Variants in RNLS observed in about 807,000 individuals in gnomAD.
RNLS encodes renalase.
A neutral mutation model predicts 39.8 loss-of-function variants in RNLS; 39 were observed. That is an observed-to-expected ratio of 0.98 (90% CI 0.76 to 1.28). The LOEUF (loss-of-function observed/expected upper bound fraction) is 1.28. Ranked by LOEUF, RNLS falls within the 50% of genes most tolerant of loss-of-function variation. The pLI is 0.00. For synonymous variants in RNLS, 147 were observed against 150.7 expected (o/e 0.98, Z 0.18); for missense variants, 410 against 413.3 (o/e 0.99, Z 0.07).
chr10:88,335,390 T>G (rs1288231875), intron 5 of RNLS, among the ~76,000 whole-genome samples: 1 of 152,066 alleles, frequency 6.6e-6, no homozygotes, highest in Non-Finnish European at 1.5e-5. Flanking sequence ...GGCTAATTAT[T>G]TTATTTTTTA....
At chr10:88,435,335 A>G (rs1855407756) in intron 4 of RNLS, among the ~76,000 whole-genome samples, 1 of 152,144 alleles carries the variant, frequency 6.6e-6, no homozygotes. Context: ...CTTTTATTTT[A>G]GAGCACCAAT....
At chr10:88,454,370 C>T (rs1238160716) in intron 4 of RNLS, among the ~76,000 whole-genome samples, 1 of 152,112 alleles carries the variant, frequency 6.6e-6, no homozygotes, top group Non-Finnish European at 1.5e-5. Flanking sequence ...TCCACCTTTT[C>T]CCTTAGGTAG....
chr10:88,394,599 C>T (rs1852429546), intron 4 of RNLS, among the ~76,000 whole-genome samples: 1 of 152,144 alleles, frequency 6.6e-6, no homozygotes, highest in South Asian at 2.1e-4. Flanking sequence ...GTTGGTGGGA[C>T]TGTAAACTAG....
intron 4 of RNLS, among the ~76,000 whole-genome samples, chr10:88,524,847 C>T (rs928655707): frequency 6.6e-6 from 1 of 150,378 alleles, no homozygotes; most frequent in African/African-American, 2.4e-5. Flanking sequence ...AACTCCTTGC[C>T]TTAATCCAAA....
intron 4 of RNLS, among the ~76,000 whole-genome samples, chr10:88,514,807 C>A (rs1293331765): frequency 6.6e-6 from 1 of 152,000 alleles, no homozygotes; most frequent in Non-Finnish European, 1.5e-5. Context: ...TCTTCCATAT[C>A]TTGGCTATTG....
At chr10:88,376,668 A>G (rs1280742077) in intron 4 of RNLS, among the ~76,000 whole-genome samples, 1 of 152,116 alleles carries the variant, frequency 6.6e-6, no homozygotes, top group Middle Eastern at 3.2e-3. Flanking sequence ...AGGTATACCA[A>G]AATCAGAATG....
At chr10:88,293,153 T>C (rs1843797437) in intron 6 of RNLS, among the ~76,000 whole-genome samples, 1 of 152,208 alleles carries the variant, frequency 6.6e-6, no homozygotes, top group African/African-American at 2.4e-5. Flanking sequence ...TATTGTTTAC[T>C]GGTTGCACAC....
intron 4 of RNLS, among the ~76,000 whole-genome samples, chr10:88,540,523 A>C (rs1847982506): frequency 6.6e-6 from 1 of 152,134 alleles, no homozygotes; most frequent in South Asian, 2.1e-4. Flanking sequence ...TGAAAGTGCA[A>C]AATAGTTCTG....
rs1407233805 is a variant in RNLS at position 88,309,607 on chromosome 10, C to A, written c.876+4859G>T. Reference sequence around the variant, plus strand: ...AAGGCCTGAAGGAGCCAAATGGAAACTTTGTATTGAAAAGGGCAAAGACTT... The same window carrying A: ...AAGGCCTGAAGGAGCCAAATGGAAAATTTGTATTGAAAAGGGCAAAGACTT... On this transcript the variant is annotated intron_variant, in intron 6 of 6. Coordinates refer to ENST00000331772, the MANE Select transcript of RNLS (RefSeq NM_001031709.3). The A allele has an allele frequency of 8.6e-6, 4 of 466,122 alleles. No individual in the cohort carries two copies. In the Admixed American group the frequency reaches 1.0e-4, roughly 12 times the overall value. 28.9% of individuals were successfully genotyped at this position (466,122 alleles called of 1,614,324 possible).
intron 4 of RNLS, among the ~76,000 whole-genome samples, chr10:88,563,372 G>C (rs1050151155): frequency 1.3e-5 from 2 of 152,120 alleles, no homozygotes; most frequent in South Asian, 4.1e-4. Context: ...GCCACACTTT[G>C]TTATACTGTA....
At chr10:88,488,546 C>CAAAAAA (rs3033822) in intron 4 of RNLS, among the ~76,000 whole-genome samples, 8 of 78,992 alleles carry the variant, frequency 1.0e-4, no homozygotes, top group Admixed American at 1.5e-4. Flanking sequence ...AACTCCGTCT[C>CAAAAAA]AAAAAAAAAA....
intron 4 of RNLS, among the ~76,000 whole-genome samples, chr10:88,548,953 T>C (rs888688942): frequency 1.6e-4 from 24 of 152,162 alleles, no homozygotes; most frequent in Admixed American, 5.2e-4. Flanking sequence ...ATTTATAGCA[T>C]AACAGCTTAG....
the RNLS span, among the ~76,000 whole-genome samples, chr10:88,190,666 C>T: frequency 6.6e-6 from 1 of 152,158 alleles, no homozygotes; most frequent in Non-Finnish European, 1.5e-5. Context: ...TCCTTATATG[C>T]TATAAGCGCT....
chr10:88,474,731 T>C (rs1843715161), intron 4 of RNLS, among the ~76,000 whole-genome samples: 1 of 152,152 alleles, frequency 6.6e-6, no homozygotes, highest in Non-Finnish European at 1.5e-5. Context: ...GCATCTCATC[T>C]ATAAAATTAC....
rs1851775000 is a variant in RNLS at position 88,384,986 on chromosome 10, C to A, written c.527-22261G>T. Among the ~76,000 whole-genome samples the A allele has an allele frequency of 3.9e-5, 6 of 152,314 alleles. No homozygotes were observed. In the South Asian group the frequency reaches 1.2e-3, roughly 32 times the overall value. On this transcript the variant is annotated intron_variant, in intron 4 of 6. Coordinates refer to ENST00000331772, the MANE Select transcript of RNLS (RefSeq NM_001031709.3). Reference sequence around the variant, plus strand: ...ACCTTGGTCAAATCACTTAACCTTTCTGAGCTGAGGTACCCTCCTCTATAA... The same window carrying A: ...ACCTTGGTCAAATCACTTAACCTTTATGAGCTGAGGTACCCTCCTCTATAA...
At chr10:88,364,198 C>T (rs1849862290) in intron 4 of RNLS, among the ~76,000 whole-genome samples, 1 of 152,010 alleles carries the variant, frequency 6.6e-6, no homozygotes, top group Non-Finnish European at 1.5e-5. Flanking sequence ...AGACATGGAA[C>T]ATATGAGAAA....
At chr10:88,380,467 C>T (rs1851374946) in intron 4 of RNLS, among the ~76,000 whole-genome samples, 1 of 149,408 alleles carries the variant, frequency 6.7e-6, no homozygotes, top group Admixed American at 6.7e-5. Flanking sequence ...GCTCTGCCTC[C>T]CGGGTTCATG....
At chr10:88,245,936 T>C in the RNLS span, among the ~76,000 whole-genome samples, 1 of 152,198 alleles carries the variant, frequency 6.6e-6, no homozygotes, top group Non-Finnish European at 1.5e-5. Context: ...CATCCCAACC[T>C]AATTTCCTGA....
chr10:88,362,351 T>C (rs1330651668), intron 5 of RNLS, among the ~76,000 whole-genome samples: 1 of 152,160 alleles, frequency 6.6e-6, no homozygotes, highest in Non-Finnish European at 1.5e-5. Context: ...ATAAACCATG[T>C]GGTGAATGAA....
Sources: gnomAD v4.1 joint callset for allele counts (sites outside exome capture counted in the v4.1 genomes callset) on GRCh38, gnomAD v4.1.1 for gene constraint, MANE v1.5 for transcripts, NCBI Gene and HGNC (gene_info 2026-07-23, HGNC 2026-07-21) for gene names.